IGF2R: variants seen among roughly 807,000 people sequenced by gnomAD.
IGF2R encodes cation-independent mannose-6-phosphate receptor.
Under a neutral mutation model 270.6 loss-of-function variants are expected in IGF2R, and 91 were observed. That is an observed-to-expected ratio of 0.34 (90% CI 0.28 to 0.40). IGF2R has a LOEUF of 0.40. Ranked by LOEUF, IGF2R falls within the 10% of genes least tolerant of loss-of-function variation. The pLI is 1.00. For synonymous variants in IGF2R, 1,316 were observed against 1,258.9 expected (o/e 1.05, Z -0.96); for missense variants, 2,805 against 3,188.3 (o/e 0.88, Z 2.90).
In IGF2R at chr6:160,096,490, A is replaced by T. The variant is rs1327167524; in HGVS notation, c.6707A>T (p.Lys2236Met). The change falls in exon 45 of 48, where the codon AAG (lysine) becomes ATG (methionine). Residue 2236 changes from lysine to methionine, a missense_variant. Lys to Met is a moderately conservative substitution (Grantham distance 95). Around this residue, in one of 2 missense-constraint regions of IGF2R, gnomAD observed 1,851 missense variants for 2,207.2 expected, o/e 0.84. Transcript: ENST00000356956. The part of the protein sequence containing the change: ...FASSSKCGKD[K>M]TKSVSSTIFF... ...TCTTCCTCTAAGTGCGGAAAGGATAAGACCAAGTCTGTTTCTTCCACCATC... is the reference window on the plus strand; with the variant it reads ...TCTTCCTCTAAGTGCGGAAAGGATATGACCAAGTCTGTTTCTTCCACCATC... 6.2e-7 allele frequency: 1 copy of T among 1,614,130 alleles called. No homozygotes were observed.
intron 45 of IGF2R, among the ~76,000 whole-genome samples, chr6:160,097,545 G>T (rs756659236): frequency 1.3e-5 from 2 of 152,172 alleles, no homozygotes; most frequent in African/African-American, 4.8e-5. Flanking sequence ...GACCAGGCTG[G>T]TCTTGAACTC....
Position 160,084,906 on chromosome 6 carries a change from T to C in IGF2R, c.6069-89T>C. On this transcript the variant is annotated intron_variant, in intron 40 of 47. Transcript: ENST00000356956. The surrounding 1 kb of genome is among the most constrained non-coding windows in gnomAD (Gnocchi z 4.6). ...TGGAGCCCTTAGTTATCAGAACCTT[T>C]CTCTGAAAGTAAAGTGAAGAGCCCT... 2 of 1,280,710 alleles carry C rather than the reference T, an allele frequency of 1.6e-6. No homozygotes were observed. The highest frequency in any genetic ancestry group is 1.4e-5 in the South Asian group (1 of 69,400). The allele number at this position is 1,280,710 out of a possible 1,614,324, so 79.3% of individuals were successfully genotyped here.
intron 10 of IGF2R, among the ~76,000 whole-genome samples, chr6:160,039,704 C>A (rs189391497): frequency 1.9e-3 from 288 of 152,250 alleles, no homozygotes; most frequent in Middle Eastern, 6.8e-3. Flanking sequence ...ATGAAACCAT[C>A]AGGGGTGGGA....
intron 1 of IGF2R, among the ~76,000 whole-genome samples, chr6:159,976,714 A>G (rs1295061952): frequency 2.0e-5 from 3 of 151,812 alleles, no homozygotes; most frequent in Non-Finnish European, 4.4e-5. Flanking sequence ...ATCTGTTTCA[A>G]CTTCCTGGAC....
intron 24 of IGF2R, 26 bp downstream of exon 24, chr6:160,061,672 G>T (rs1450095443): frequency 6.2e-7 from 1 of 1,613,852 alleles, no homozygotes; most frequent in Non-Finnish European, 8.5e-7. Context: ...TCTCTTGATT[G>T]GCGTCTGTTC....
At position 160,064,822 on chromosome 6, in the gene IGF2R, A is replaced by G; in HGVS notation, c.4036A>G (p.Thr1346Ala). 1 of 1,612,096 alleles carries G rather than the reference A, an allele frequency of 6.2e-7. No homozygotes were observed. Among genetic ancestry groups the G allele is most frequent in the Non-Finnish European group, 8.5e-7 (1 of 1,178,146 alleles). Residue 1346 changes from threonine to alanine, a missense_variant, in exon 29 of 48, where the codon ACT becomes GCT. Thr to Ala is a moderately conservative substitution (Grantham distance 58, BLOSUM62 0). This residue lies in a region of IGF2R where 1,851 missense variants were observed against 2,207.2 expected (regional missense o/e 0.84). Transcript: ENST00000356956. ...TTTTTAGCCAGTATTTCTAAAGGAG[A>G]CTTCAGATTGTTCCTACTTGTTTGA... is the stretch of plus-strand genomic sequence containing the variant. Reference protein sequence around the residue: ...GTQRPVFLKETSDCSYLFEWR... With the variant: ...GTQRPVFLKEASDCSYLFEWR...
intron 5 of IGF2R, 47 bp downstream of exon 5, chr6:160,024,751 C>T (rs1777518827): frequency 6.3e-7 from 1 of 1,592,390 alleles, no homozygotes; most frequent in African/African-American, 1.3e-5. Context: ...GGGATTTCTT[C>T]TATGGCTTCA....
intron 2 of IGF2R, among the ~76,000 whole-genome samples, chr6:160,000,288 T>G (rs1034521565): frequency 1.2e-4 from 19 of 152,122 alleles, no homozygotes; most frequent in Admixed American, 7.2e-4. Context: ...AAACTTAAAA[T>G]CATGGCAGCA....
rs1396883985 is a variant in IGF2R at position 160,104,916 on chromosome 6, A to G, written c.7308A>G (p.Arg2436=). Residue 2436 remains arginine, a synonymous_variant, in exon 48 of 48, where the codon AGA becomes AGG. Transcript: ENST00000356956. ...GAGAESSHPV[R]NAQSNALQER... ...GGGCAGAGAGCTCCCACCCAGTGAG[A>G]AACGCACAGAGCAATGCCCTTCAGG... The G allele has an allele frequency of 3.7e-6, 6 of 1,614,198 alleles. No individual in the cohort carries two copies. The highest frequency in any genetic ancestry group is 1.3e-5 in the African/African-American group (1 of 75,062).
intron 1 of IGF2R, among the ~76,000 whole-genome samples, chr6:159,978,516 G>A (rs532844492): frequency 6.6e-6 from 1 of 152,124 alleles, no homozygotes; most frequent in Non-Finnish European, 1.5e-5. Context: ...GGTCAAGGGG[G>A]TCCTGTCCTC....
At chr6:160,043,362 T>C (rs865907783) in intron 12 of IGF2R, 74 bp downstream of exon 12, 2 of 1,474,660 alleles carry the variant, frequency 1.4e-6, no homozygotes, top group Non-Finnish European at 1.8e-6. Context: ...TTAGAAGATC[T>C]TTCTGTGGTT....
chr6:160,071,747 C>T (rs1046961761), intron 31 of IGF2R, among the ~76,000 whole-genome samples, 163 bp from the exon 32 acceptor site: 4 of 152,182 alleles, frequency 2.6e-5, no homozygotes, highest in African/African-American at 9.7e-5. Context: ...CACATTCTGA[C>T]CCTTTGCTTT....
At position 160,068,531 on chromosome 6, in the gene IGF2R, G is replaced by C. The variant is rs1158780075; in HGVS notation, c.4252+146G>C. 2.1e-6 allele frequency: 3 copies of C among 1,415,302 alleles called. No individual in the cohort carries two copies. In the African/African-American group the frequency reaches 4.3e-5, roughly 20 times the overall value. 87.7% of individuals were successfully genotyped at this position (1,415,302 alleles called of 1,614,324 possible). ...GTGAGAGAGGGCCTCCTCGTGGGGT[G>C]GTGTTTGCTGTGAGTGTATCACAGG... On this transcript the variant is annotated intron_variant, in intron 30 of 47. Coordinates refer to ENST00000356956, the MANE Select transcript of IGF2R (RefSeq NM_000876.4).
chr6:160,004,303 A>G lies in IGF2R; in HGVS notation c.290-4707A>G, dbSNP rs1441887323. On this transcript the variant is annotated intron_variant, in intron 2 of 47. Coordinates refer to ENST00000356956, the MANE Select transcript of IGF2R (RefSeq NM_000876.4). This position sits in a 1 kb window ranked among gnomAD's most constrained non-coding sequence, Gnocchi z 5.2. ...GAGGGCTGCCTGTGAAGTCAGGATC[A>G]CCAGGCTTTGTGGCTTCAAGGAGGC... 6.6e-6 allele frequency: 1 copy of G among 152,246 alleles called. No individual in the cohort carries two copies. Among genetic ancestry groups the G allele is most frequent in the Non-Finnish European group, 1.5e-5 (1 of 68,082 alleles). The allele number at this position is 152,246 out of a possible 1,614,324, so 9.4% of individuals were successfully genotyped here.
intron 2 of IGF2R, among the ~76,000 whole-genome samples, chr6:159,992,889 A>G (rs1249834814): frequency 6.6e-6 from 1 of 152,162 alleles, no homozygotes; most frequent in Non-Finnish European, 1.5e-5. Context: ...GTATGTAAGC[A>G]TTCCCGTTTT....
chr6:160,054,730 A>G (rs1300382243), intron 19 of IGF2R, among the ~76,000 whole-genome samples: 7 of 152,026 alleles, frequency 4.6e-5, no homozygotes, highest in Non-Finnish European at 1.5e-5. Context: ...TTTTATTTTC[A>G]TTTCTTATTA....
At chr6:160,060,505 T>C (rs7746102) in intron 22 of IGF2R, 42 bp from the exon 23 acceptor site, 388,353 of 1,601,598 alleles carry the variant, frequency 0.24, 48,585 homozygotes, top group African/African-American at 0.36. Flanking sequence ...GCGCCATGAA[T>C]ACTGTTCTGT....
chr6:160,046,785 G>A (rs1583277906), intron 15 of IGF2R, 140 bp downstream of exon 15: 1 of 961,382 alleles, frequency 1.0e-6, no homozygotes, highest in East Asian at 2.6e-5. Context: ...TCTGAAAACT[G>A]AAGGATGTTA....
At position 160,080,243 on chromosome 6, in the gene IGF2R, A is replaced by G. The variant is rs1778948834; in HGVS notation, c.5801A>G (p.Asp1934Gly). The G allele has an allele frequency of 4.3e-6, 7 of 1,614,012 alleles. No individual in the cohort carries two copies. The highest frequency in any genetic ancestry group is 5.9e-6 in the Non-Finnish European group (7 of 1,180,016). Residue 1934 changes from aspartate (D) to glycine (G), a missense_variant, in exon 39 of 48, where the codon GAC (aspartate) becomes GGC (glycine). Transcript: ENST00000356956. ...KLWCSTTADY[D>G]RDHEWGFCRH... The stretch of plus-strand genomic sequence containing the variant: ...TGGTGTAGCACAACTGCGGACTACG[A>G]CAGAGACCACGAGTGGGGCTTCTGC...
Sources: gnomAD v4.1 joint callset for allele counts (sites outside exome capture counted in the v4.1 genomes callset) on GRCh38, gnomAD v4.1.1 for gene constraint, gnomAD v4.1.1 regional missense constraint, Gnocchi (gnomAD v3.1) non-coding constraint, MANE v1.5 for transcripts, NCBI Gene and HGNC (gene_info 2026-07-23, HGNC 2026-07-21) for gene names.